DAB1: variants seen among roughly 807,000 people sequenced by gnomAD.
DAB1 encodes the protein DAB adaptor protein 1, also known as disabled homolog 1.
In DAB1, 15 loss-of-function variants were observed where a neutral mutation model predicts 64.6. The ratio of observed to expected loss-of-function variants is 0.23; its 90% CI spans 0.16 to 0.36. DAB1 has a LOEUF of 0.36. Among genes scored for constraint, DAB1 ranks in the 10% least tolerant of loss-of-function variants. The pLI is 1.00. For synonymous variants in DAB1, 235 were observed against 251.9 expected (o/e 0.93, Z 0.64); for missense variants, 596 against 706.7 (o/e 0.84, Z 1.78).
At chr1:58,032,710 T>G (rs957822246) in intron 5 of DAB1, among the ~76,000 whole-genome samples, 4 of 152,188 alleles carry the variant, frequency 2.6e-5, no homozygotes, top group Non-Finnish European at 5.9e-5. Context: ...CACCCTTCAC[T>G]GTGTAGCCAC....
intron 1 of DAB1, among the ~76,000 whole-genome samples, chr1:57,847,486 C>G (rs752619783): frequency 6.6e-6 from 1 of 152,072 alleles, no homozygotes; most frequent in Non-Finnish European, 1.5e-5. Flanking sequence ...AAGCAAAACT[C>G]AACCATATGC....
At chr1:57,866,420 T>G (rs981123366) in intron 1 of DAB1, 3 of 152,120 alleles carry the variant, frequency 2.0e-5, no homozygotes, top group African/African-American at 4.8e-5. Context: ...TGCTCTCCAT[T>G]TCTTCTTGTG....
At chr1:58,503,616 G>A (rs1341762878) in intron 3 of DAB1, among the ~76,000 whole-genome samples, 2 of 151,976 alleles carry the variant, frequency 1.3e-5, no homozygotes. Context: ...TCATGAATGG[G>A]TTAGCACCCT....
chr1:57,057,499 G>A (rs983939277), intron 9 of DAB1, among the ~76,000 whole-genome samples: 3 of 152,114 alleles, frequency 2.0e-5, no homozygotes, highest in Admixed American at 1.3e-4. Flanking sequence ...AAATTTTAGC[G>A]GTTTTCAGAC....
At chr1:57,476,431 T>A (rs750981082) in intron 7 of DAB1, among the ~76,000 whole-genome samples, 2 of 152,022 alleles carry the variant, frequency 1.3e-5, no homozygotes, top group Non-Finnish European at 2.9e-5. Context: ...TCATTCAAAG[T>A]AATCACCCCT....
intron 3 of DAB1, among the ~76,000 whole-genome samples, chr1:58,386,173 A>G (rs1312644688): frequency 6.6e-6 from 1 of 152,204 alleles, no homozygotes; most frequent in Non-Finnish European, 1.5e-5. Context: ...CTTTCCTCCT[A>G]TGAAATGGAG....
At chr1:57,384,472 A>G (rs1681639944) in intron 1 of DAB1, among the ~76,000 whole-genome samples, 1 of 152,240 alleles carries the variant, frequency 6.6e-6, no homozygotes, top group African/African-American at 2.4e-5. Context: ...ACCCATATTC[A>G]TAGCAGCATT....
At chr1:57,852,131 A>C (rs1214580295) in intron 1 of DAB1, among the ~76,000 whole-genome samples, 1 of 152,136 alleles carries the variant, frequency 6.6e-6, no homozygotes, top group Non-Finnish European at 1.5e-5. Context: ...TTTCTCTCCC[A>C]AAGCATGAAA....
intron 7 of DAB1, among the ~76,000 whole-genome samples, chr1:57,472,599 G>T (rs1240867230): frequency 6.6e-6 from 1 of 151,920 alleles, no homozygotes; most frequent in African/African-American, 2.4e-5. Flanking sequence ...AATTACTGGT[G>T]CATGCAGCCC....
chr1:57,496,157 G>A (rs1224286090), intron 7 of DAB1, among the ~76,000 whole-genome samples: 2 of 152,184 alleles, frequency 1.3e-5, no homozygotes, highest in African/African-American at 4.8e-5. Context: ...TCGCATTACT[G>A]TTAGGTAAAT....
At chr1:58,277,097 T>C (rs1425760088) in intron 4 of DAB1, among the ~76,000 whole-genome samples, 1 of 139,350 alleles carries the variant, frequency 7.2e-6, no homozygotes, top group Non-Finnish European at 1.5e-5. Context: ...TGGAGTGCAG[T>C]GGTATGATCT....
At chr1:58,495,282 G>A (rs1645779277) in intron 3 of DAB1, among the ~76,000 whole-genome samples, 1 of 152,098 alleles carries the variant, frequency 6.6e-6, no homozygotes. Flanking sequence ...GGTGGGAGGA[G>A]GAGGGAGGGA....
chr1:57,748,415 G>T (rs1268666038), intron 6 of DAB1, among the ~76,000 whole-genome samples: 1 of 152,116 alleles, frequency 6.6e-6, no homozygotes, highest in African/African-American at 2.4e-5. Context: ...ATGAGAATGC[G>T]ATTATTACAT....
intron 1 of DAB1, among the ~76,000 whole-genome samples, chr1:57,365,493 G>T (rs192654431): frequency 6.6e-6 from 1 of 150,692 alleles, no homozygotes; most frequent in African/African-American, 2.4e-5. Context: ...AAATTAAAGA[G>T]TCTAAAGGGC....
intron 6 of DAB1, among the ~76,000 whole-genome samples, chr1:57,790,816 G>A (rs1383123417): frequency 6.6e-6 from 1 of 152,140 alleles, no homozygotes; most frequent in Admixed American, 6.5e-5. Flanking sequence ...ATATGTTTGA[G>A]TTTGGGTTCC....
chr1:57,265,946 C>T (rs1302284513), intron 2 of DAB1, among the ~76,000 whole-genome samples: 1 of 152,188 alleles, frequency 6.6e-6, no homozygotes, highest in Non-Finnish European at 1.5e-5. Flanking sequence ...TCCAGCTCCT[C>T]TGCTTGATGC....
intron 5 of DAB1, among the ~76,000 whole-genome samples, chr1:57,987,969 G>A (rs1570175605): frequency 6.6e-6 from 1 of 151,938 alleles, no homozygotes; most frequent in East Asian, 1.9e-4. Context: ...GGATTCACTC[G>A]TCCTTTCCTT....
chr1:57,634,269 C>CGT (rs923402126), intron 7 of DAB1, among the ~76,000 whole-genome samples: 3 of 152,176 alleles, frequency 2.0e-5, no homozygotes, highest in Non-Finnish European at 4.4e-5. Flanking sequence ...GCTGAAAGAA[C>CGT]GTGAGCTATA....
At chr1:58,257,626 T>C (rs1660962210) in intron 4 of DAB1, among the ~76,000 whole-genome samples, 1 of 152,204 alleles carries the variant, frequency 6.6e-6, no homozygotes, top group South Asian at 2.1e-4. Context: ...ACCTCCCCAC[T>C]AAGGTCATTA....
Sources: gnomAD v4.1 joint callset for allele counts (sites outside exome capture counted in the v4.1 genomes callset) on GRCh38, gnomAD v4.1.1 for gene constraint, MANE v1.5 for transcripts, NCBI Gene and HGNC (gene_info 2026-07-23, HGNC 2026-07-21) for gene names.